Variants in KHDRBS2 observed in about 807,000 individuals in gnomAD.
The protein encoded by KHDRBS2 is KH domain-containing, RNA-binding, signal transduction-associated protein 2.
In KHDRBS2, 26 loss-of-function variants were observed where a neutral mutation model predicts 44.3. The ratio of observed to expected loss-of-function variants is 0.59; its 90% CI spans 0.43 to 0.81. The LOEUF is 0.81. Among genes scored for constraint, KHDRBS2 ranks in the 40% least tolerant of loss-of-function variants. The pLI is 0.00. For synonymous variants in KHDRBS2, 194 were observed against 151.1 expected (o/e 1.28, Z -2.08); for missense variants, 476 against 433.1 (o/e 1.10, Z -0.88).
At chr6:61,565,105 G>A in the KHDRBS2 span, among the ~76,000 whole-genome samples, 1 of 152,016 alleles carries the variant, frequency 6.6e-6, no homozygotes, top group Non-Finnish European at 1.5e-5. Flanking sequence ...TAGGAAAACT[G>A]GATATCCAAA....
chr6:61,690,589 A>G (rs1185959732), intron 8 of KHDRBS2, among the ~76,000 whole-genome samples: 1 of 152,082 alleles, frequency 6.6e-6, no homozygotes, highest in Non-Finnish European at 1.5e-5. Flanking sequence ...TAACTGTTCA[A>G]CACACAATTG....
chr6:61,775,830 C>T (rs1375345035), intron 6 of KHDRBS2, among the ~76,000 whole-genome samples: 1 of 152,128 alleles, frequency 6.6e-6, no homozygotes, highest in Non-Finnish European at 1.5e-5. Context: ...GCCCGTGGTG[C>T]CAAGTCAATC....
chr6:61,550,643 T>C, the KHDRBS2 span, among the ~76,000 whole-genome samples: 1 of 152,144 alleles, frequency 6.6e-6, no homozygotes, highest in Non-Finnish European at 1.5e-5. Context: ...GTTTCCATAA[T>C]GGCTCAACTA....
At chr6:61,772,864 C>T (rs540216903) in intron 6 of KHDRBS2, among the ~76,000 whole-genome samples, 1 of 152,126 alleles carries the variant, frequency 6.6e-6, no homozygotes, top group Admixed American at 6.6e-5. Flanking sequence ...TTGTTCAATT[C>T]CCACCTATGA....
intron 8 of KHDRBS2, among the ~76,000 whole-genome samples, chr6:61,696,565 A>G (rs2127543697): frequency 6.6e-6 from 1 of 152,136 alleles, no homozygotes; most frequent in East Asian, 1.9e-4. Context: ...CCACATATGT[A>G]TTTTAAAGAA....
At chr6:62,278,188 T>C (rs1016965783) in intron 1 of KHDRBS2, among the ~76,000 whole-genome samples, 3 of 152,192 alleles carry the variant, frequency 2.0e-5, no homozygotes, top group Non-Finnish European at 4.4e-5. Flanking sequence ...ATAATTCCAA[T>C]GAAGATATAT....
chr6:62,112,732 G>C (rs565982926), intron 2 of KHDRBS2, among the ~76,000 whole-genome samples: 8 of 152,240 alleles, frequency 5.3e-5, no homozygotes, highest in African/African-American at 1.9e-4. Flanking sequence ...CCACTTTGTG[G>C]TGACAAACAG....
chr6:62,211,086 A>T (rs374055425), intron 1 of KHDRBS2, among the ~76,000 whole-genome samples: 1 of 152,172 alleles, frequency 6.6e-6, no homozygotes. Context: ...GTGGGATACA[A>T]TACACCAGAA....
chr6:61,665,153 A>G, the KHDRBS2 span, among the ~76,000 whole-genome samples: 222 of 151,698 alleles, frequency 1.5e-3, no homozygotes, highest in Non-Finnish European at 2.3e-3. Flanking sequence ...TTAAAAATAA[A>G]TATAGTATGT....
At chr6:61,985,975 T>C (rs138773966) in intron 3 of KHDRBS2, among the ~76,000 whole-genome samples, 5 of 152,214 alleles carry the variant, frequency 3.3e-5, no homozygotes, top group South Asian at 4.1e-4. Context: ...TATAGAACCA[T>C]AGAAACATTG....
intron 7 of KHDRBS2, among the ~76,000 whole-genome samples, chr6:61,730,223 T>C (rs1243873211): frequency 6.6e-6 from 1 of 152,166 alleles, no homozygotes; most frequent in Non-Finnish European, 1.5e-5. Flanking sequence ...ATCATTATTG[T>C]AATATAGACA....
At chr6:61,881,643 C>T (rs1440130048) in intron 6 of KHDRBS2, among the ~76,000 whole-genome samples, 1 of 151,996 alleles carries the variant, frequency 6.6e-6, no homozygotes, top group Admixed American at 6.6e-5. Flanking sequence ...TAGACATCTG[C>T]TTCAAGGACT....
At chr6:61,588,664 T>C in the KHDRBS2 span, among the ~76,000 whole-genome samples, 1 of 152,040 alleles carries the variant, frequency 6.6e-6, no homozygotes, top group Non-Finnish European at 1.5e-5. Context: ...TGGTGGCACA[T>C]GCCTGCAGTC....
At chr6:61,777,344 T>C (rs1327723736) in intron 6 of KHDRBS2, among the ~76,000 whole-genome samples, 30 of 152,132 alleles carry the variant, frequency 2.0e-4, no homozygotes. Context: ...AATTTACAGT[T>C]TTTATTTTTA....
rs1443494564 is a variant in KHDRBS2 at position 61,894,731 on chromosome 6, T to C, written c.714A>G (p.Val238=). 1 of 1,613,596 alleles carries C rather than the reference T, an allele frequency of 6.2e-7. No individual in the cohort carries two copies. Among genetic ancestry groups the C allele is most frequent in the Middle Eastern group, 1.7e-4 (1 of 6,060 alleles). The change falls in exon 6 of 9, where the codon GTA becomes GTG. Residue 238 remains valine (V), a synonymous_variant. Coordinates refer to ENST00000281156, the MANE Select transcript of KHDRBS2 (RefSeq NM_152688.4). ...CTCGAGGGGTAGGGACACCTCTTGC[T>C]ACAGGTGGCACTGGAAGCGCTCCAC... is the stretch of plus-strand genomic sequence containing the variant. ...VTRGALPVPP[V]ARGVPTPRAR...
the KHDRBS2 span, among the ~76,000 whole-genome samples, chr6:61,625,144 A>G: frequency 6.6e-6 from 1 of 151,892 alleles, no homozygotes; most frequent in African/African-American, 2.4e-5. Flanking sequence ...GTTAATTGAC[A>G]TGTGCAGCAC....
chr6:61,858,402 T>G (rs1243613004), intron 6 of KHDRBS2, among the ~76,000 whole-genome samples: 16 of 152,042 alleles, frequency 1.1e-4, no homozygotes, highest in African/African-American at 3.4e-4. Flanking sequence ...TGGCATAAGT[T>G]TTTTTATTTC....
chr6:61,988,158 A>T (rs1775423718), intron 3 of KHDRBS2, among the ~76,000 whole-genome samples: 3 of 152,202 alleles, frequency 2.0e-5, no homozygotes, highest in African/African-American at 7.2e-5. Flanking sequence ...TCTAGGCTAT[A>T]TCAAGGATGG....
intron 2 of KHDRBS2, among the ~76,000 whole-genome samples, chr6:62,097,914 A>G (rs547733341): frequency 1.3e-5 from 2 of 152,098 alleles, no homozygotes; most frequent in South Asian, 2.1e-4. Context: ...TGTGGTTATC[A>G]TAAGTCTTAC....
Sources: allele counts gnomAD v4.1 joint callset (sites outside exome capture counted in the v4.1 genomes callset), GRCh38; gene constraint gnomAD v4.1.1; transcripts MANE v1.5; gene names NCBI Gene and HGNC (gene_info 2026-07-23, HGNC 2026-07-21).